The following MYCBP variants were observed in gnomAD, a reference collection of about 807,000 sequenced individuals.
The protein encoded by MYCBP is MYC binding protein, also known as C-Myc-binding protein.
Under a neutral mutation model 16.8 loss-of-function variants are expected in MYCBP, and 5 were observed. The ratio of observed to expected loss-of-function variants is 0.30; its 90% CI spans 0.16 to 0.63. The LOEUF is 0.63. MYCBP is among the 20% of genes least tolerant of loss of function. MYCBP has a pLI of 0.83. For synonymous variants in MYCBP, 35 were observed against 43.7 expected (o/e 0.80, Z 0.79); for missense variants, 103 against 121.8 (o/e 0.85, Z 0.73).
In MYCBP at chr1:38,863,294, G is replaced by A. The variant is rs1472174832; in HGVS notation, c.*1376C>T. ...CCAACAGGTGCCAAGGCTTTTGCTAGTTAAACCAGTTTTCATTGGATCATT... is the reference window on the plus strand; with the variant it reads ...CCAACAGGTGCCAAGGCTTTTGCTAATTAAACCAGTTTTCATTGGATCATT... On this transcript the variant is annotated 3_prime_UTR_variant, in exon 5 of 5. Transcript: ENST00000397572. 2 of 152,208 alleles carry A rather than the reference G, an allele frequency of 1.3e-5. No homozygotes were observed. The highest frequency in any genetic ancestry group is 6.5e-5 in the Admixed American group (1 of 15,282). 9.4% of individuals were successfully genotyped at this position (152,208 alleles called of 1,614,324 possible). A position where few individuals can be genotyped will look rare whatever the true frequency, so the allele number is the denominator to read the frequency against.
In MYCBP at chr1:38,864,586, T is replaced by A; in HGVS notation, c.*84A>T. 1 of 1,342,712 alleles carries A rather than the reference T, an allele frequency of 7.4e-7. No homozygotes were observed. Among genetic ancestry groups the A allele is most frequent in the South Asian group, 1.2e-5 (1 of 84,100 alleles). 83.2% of individuals were successfully genotyped at this position (1,342,712 alleles called of 1,614,324 possible). ...AACATATTAAAAGAGTTCTATAGCA[T>A]CTGTTCAGAAAAGATTATATACTAT... On this transcript the variant is annotated 3_prime_UTR_variant, in exon 5 of 5. Coordinates refer to ENST00000397572, the MANE Select transcript of MYCBP (RefSeq NM_012333.5).
In MYCBP at chr1:38,863,365, AAC is replaced by A. The variant is rs1642278027; in HGVS notation, c.*1303_*1304del. 2 of 152,232 alleles carry A rather than the reference AAC, an allele frequency of 1.3e-5. No homozygotes were observed. Among genetic ancestry groups the A allele is most frequent in the African/African-American group, 4.8e-5 (2 of 41,458 alleles). 9.4% of individuals were successfully genotyped at this position (152,232 alleles called of 1,614,324 possible). On this transcript the variant is annotated 3_prime_UTR_variant, in exon 5 of 5. Transcript: ENST00000397572. ...GACCAAAAACAAAGATAGGTTCTCT[AAC>A]AACAGGGAGAGAATATATGAAATAG...
chr1:38,867,370 C>A (rs574581666), intron 3 of MYCBP, among the ~76,000 whole-genome samples, 192 bp downstream of exon 3: 1 of 151,694 alleles, frequency 6.6e-6, no homozygotes, highest in South Asian at 2.1e-4. Flanking sequence ...TCGCTTGAAG[C>A]CAGGAGGCGG....
intron 2 of MYCBP, among the ~76,000 whole-genome samples, chr1:38,871,165 C>T (rs1026810140): frequency 9.2e-5 from 14 of 152,170 alleles, no homozygotes; most frequent in African/African-American, 2.9e-4. Flanking sequence ...CGCTTGAACC[C>T]GGAGGTGGAG....
intron 2 of MYCBP, among the ~76,000 whole-genome samples, chr1:38,869,651 T>C (rs951147342): frequency 6.6e-6 from 1 of 152,202 alleles, no homozygotes; most frequent in Admixed American, 6.5e-5. Flanking sequence ...GCGCTCAAAA[T>C]AGCTAAAATG....
chr1:38,871,016 G>GA (rs1329348077), intron 2 of MYCBP, among the ~76,000 whole-genome samples: 1 of 152,024 alleles, frequency 6.6e-6, no homozygotes, highest in Non-Finnish European at 1.5e-5. Flanking sequence ...GAGGTGAGCG[G>GA]ATCACCTGAG....
Position 38,864,692 on chromosome 1 carries a change from T to C in MYCBP, c.290A>G (p.Gln97Arg). 6.2e-7 allele frequency: 1 copy of C among 1,613,938 alleles called. No homozygotes were observed. Among genetic ancestry groups the C allele is most frequent in the African/African-American group, 1.3e-5 (1 of 75,050 alleles). The change falls in exon 5 of 5, where the codon CAG (glutamine) becomes CGG (arginine). Residue 97 changes from glutamine (Q) to arginine (R), a missense_variant. Gln to Arg is a conservative substitution (Grantham distance 43). Transcript: ENST00000397572. ...ATCCTATTCAGCACGCTTCTCCTCC[T>C]GAGGTGGTTCATACTGAGCAAGCTA... is the stretch of plus-strand genomic sequence containing the variant. ...KAKLAQYEPP[Q>R]EEKRAE
intron 2 of MYCBP, among the ~76,000 whole-genome samples, chr1:38,869,392 C>T (rs908031512): frequency 2.0e-5 from 3 of 152,074 alleles, no homozygotes; most frequent in African/African-American, 7.3e-5. Flanking sequence ...CTGGCCAAAT[C>T]CTCATTTTAT....
In MYCBP at chr1:38,873,221, A is replaced by T. The variant is rs1413353067; in HGVS notation, c.15+70T>A. 4.4e-6 allele frequency: 7 copies of T among 1,581,562 alleles called. No individual in the cohort carries two copies. The East Asian group carries it at 1.1e-4, about 26-fold the overall frequency. ...CGCCCAAACCTGCGCGCGCGACCCC[A>T]CTCCCACCCAGAGCCGACCAGCGGC... On this transcript the variant is annotated intron_variant, in intron 1 of 4. Transcript: ENST00000397572.
Position 38,862,570 on chromosome 1 carries a change from G to A in MYCBP, c.*2100C>T, listed in dbSNP as rs1404842215. Among the ~76,000 whole-genome samples the A allele has an allele frequency of 1.3e-5, 2 of 152,190 alleles. No homozygotes were observed. The highest frequency in any genetic ancestry group is 2.9e-5 in the Non-Finnish European group (2 of 68,042). On this transcript the variant is annotated 3_prime_UTR_variant, in exon 5 of 5. Coordinates refer to ENST00000397572, the MANE Select transcript of MYCBP (RefSeq NM_012333.5). ...CAAGATGTGAAGTCGATATTTTATA[G>A]ACAAAGCAGCTGAAGCATAATAGGA...
intron 2 of MYCBP, among the ~76,000 whole-genome samples, chr1:38,868,320 C>T (rs929110981): frequency 9.2e-5 from 14 of 152,084 alleles, no homozygotes; most frequent in Non-Finnish European, 1.6e-4. Flanking sequence ...TGGTAATTAC[C>T]GGAAGAAGCT....
In MYCBP at chr1:38,864,470, T is replaced by C. The variant is rs1642296461; in HGVS notation, c.*200A>G. 1 of 603,118 alleles carries C rather than the reference T, an allele frequency of 1.7e-6. No homozygotes were observed. The highest frequency in any genetic ancestry group is 3.0e-5 in the Admixed American group (1 of 33,042). 37.4% of individuals were successfully genotyped at this position (603,118 alleles called of 1,614,324 possible). A position where few individuals can be genotyped will look rare whatever the true frequency, so the allele number is the denominator to read the frequency against. ...TTTAGGTTTTGTTCAGGATTTACTTTGGATTCTCCTGCTTTAAGACCCAAA... is the reference window on the plus strand; with the variant it reads ...TTTAGGTTTTGTTCAGGATTTACTTCGGATTCTCCTGCTTTAAGACCCAAA... On this transcript the variant is annotated 3_prime_UTR_variant, in exon 5 of 5. Coordinates refer to ENST00000397572, the MANE Select transcript of MYCBP (RefSeq NM_012333.5).
Position 38,863,708 on chromosome 1 carries a change from C to A in MYCBP, c.*962G>T, listed in dbSNP as rs750828994. 1.3e-5 allele frequency: 2 copies of A among 152,572 alleles called. No individual in the cohort carries two copies. The highest frequency in any genetic ancestry group is 2.9e-5 in the Non-Finnish European group (2 of 68,026). The allele number at this position is 152,572 out of a possible 1,614,324, so 9.5% of individuals were successfully genotyped here. On this transcript the variant is annotated 3_prime_UTR_variant, in exon 5 of 5. Coordinates refer to ENST00000397572, the MANE Select transcript of MYCBP (RefSeq NM_012333.5). The stretch of plus-strand genomic sequence containing the variant: ...CAGTCTTTGGCCTAAAAATTCAGCA[C>A]CCCTCTTCCCCTTATACTTGTCCCA...
intron 2 of MYCBP, among the ~76,000 whole-genome samples, chr1:38,869,106 G>A (rs1024091896): frequency 2.8e-5 from 2 of 72,278 alleles, no homozygotes; most frequent in African/African-American, 1.0e-4. Flanking sequence ...TTTTTTTTTT[G>A]AGATAGAGTT....
At chr1:38,868,630 G>A (rs1255880454) in intron 2 of MYCBP, among the ~76,000 whole-genome samples, 4 of 152,302 alleles carry the variant, frequency 2.6e-5, no homozygotes, top group East Asian at 1.9e-4. Flanking sequence ...ATGTGGCTGG[G>A]CGCAGTGGCT....
intron 2 of MYCBP, among the ~76,000 whole-genome samples, chr1:38,868,919 C>A (rs1236676632): frequency 2.0e-5 from 3 of 151,922 alleles, no homozygotes; most frequent in Non-Finnish European, 4.4e-5. Context: ...AACAAAAAAA[C>A]AAAACAAACA....
At position 38,863,119 on chromosome 1, in the gene MYCBP, C is replaced by CA. The variant is rs1642274272; in HGVS notation, c.*1550dup. 1.3e-5 allele frequency: 2 copies of CA among 152,200 alleles called. No individual in the cohort carries two copies. The highest frequency in any genetic ancestry group is 4.8e-5 in the African/African-American group (2 of 41,448). The allele number at this position is 152,200 out of a possible 1,614,324, so 9.4% of individuals were successfully genotyped here. A position where few individuals can be genotyped will look rare whatever the true frequency, so the allele number is the denominator to read the frequency against. ...CACTGCTGCCCATGTAGGAGGCACTCAAATTGGTAAAAGAGAAATCTATGC... is the reference window on the plus strand; with the variant it reads ...CACTGCTGCCCATGTAGGAGGCACTCAAAATTGGTAAAAGAGAAATCTATGC... On this transcript the variant is annotated 3_prime_UTR_variant, in exon 5 of 5. Transcript: ENST00000397572.
Position 38,864,506 on chromosome 1 carries a change from T to G in MYCBP, c.*164A>C. 1 of 741,110 alleles carries G rather than the reference T, an allele frequency of 1.3e-6. No homozygotes were observed. Among genetic ancestry groups the G allele is most frequent in the Non-Finnish European group, 2.2e-6 (1 of 448,308 alleles). 45.9% of individuals were successfully genotyped at this position (741,110 alleles called of 1,614,324 possible). On this transcript the variant is annotated 3_prime_UTR_variant, in exon 5 of 5. Coordinates refer to ENST00000397572, the MANE Select transcript of MYCBP (RefSeq NM_012333.5). ...GCTTTAAGACCCAAAGAAAGTTATA[T>G]TGAGTTTTTATTGATGATTCTATGT...
At position 38,867,079 on chromosome 1, in the gene MYCBP, A is replaced by G. The variant is rs1642357041; in HGVS notation, c.138-70T>C. ...TAATGAAATAGCACAGAGTAGTATC[A>G]ATATCCCTGACCAGAGTCACCCACT... On this transcript the variant is annotated intron_variant, in intron 3 of 4. Coordinates refer to ENST00000397572, the MANE Select transcript of MYCBP (RefSeq NM_012333.5). The G allele has an allele frequency of 2.8e-6, 4 of 1,420,334 alleles. No homozygotes were observed. The Admixed American group carries it at 5.8e-5, about 21-fold the overall frequency. The allele number at this position is 1,420,334 out of a possible 1,614,324, so 88.0% of individuals were successfully genotyped here.
Sources: gnomAD v4.1 joint callset for allele counts (sites outside exome capture counted in the v4.1 genomes callset) on GRCh38, gnomAD v4.1.1 for gene constraint, MANE v1.5 for transcripts, NCBI Gene and HGNC (gene_info 2026-07-23, HGNC 2026-07-21) for gene names.